SPAG16: variants seen among roughly 807,000 people sequenced by gnomAD.
SPAG16 encodes sperm-associated antigen 16 protein.
A neutral mutation model predicts 80.4 loss-of-function variants in SPAG16; 86 were observed. That is an observed-to-expected ratio of 1.07 (90% CI 0.90 to 1.28). The LOEUF is 1.28. SPAG16 is among the 50% of genes most tolerant of loss of function. The pLI is 0.00. For synonymous variants in SPAG16, 294 were observed against 265.9 expected (o/e 1.11, Z -1.03); for missense variants, 870 against 765.3 (o/e 1.14, Z -1.61).
intron 10 of SPAG16, among the ~76,000 whole-genome samples, chr2:213,688,915 C>G (rs1044203342): frequency 1.3e-5 from 2 of 152,058 alleles, no homozygotes; most frequent in African/African-American, 2.4e-5. Context: ...CCTATTTAAT[C>G]TTTCCTCTCA....
chr2:213,832,978 A>C (rs560601538), intron 10 of SPAG16, among the ~76,000 whole-genome samples: 2 of 152,238 alleles, frequency 1.3e-5, no homozygotes, highest in Admixed American at 1.3e-4. Context: ...TCTGCTATGA[A>C]ATTTGTATAT....
At chr2:213,390,261 A>G (rs748326433) in intron 9 of SPAG16, among the ~76,000 whole-genome samples, 2 of 152,184 alleles carry the variant, frequency 1.3e-5, no homozygotes, top group Non-Finnish European at 2.9e-5. Context: ...TTTAATGAGT[A>G]TAGAGTTTCA....
chr2:213,628,192 A>G (rs985338893), intron 10 of SPAG16, among the ~76,000 whole-genome samples: 1 of 152,204 alleles, frequency 6.6e-6, no homozygotes, highest in Non-Finnish European at 1.5e-5. Context: ...TGTGAGATCA[A>G]CCTTTCTCAG....
chr2:213,554,383 A>G (rs1456941062), intron 10 of SPAG16, among the ~76,000 whole-genome samples: 3 of 152,220 alleles, frequency 2.0e-5, no homozygotes, highest in Non-Finnish European at 2.9e-5. Context: ...AGGTCTTTCC[A>G]CATGGAAACT....
chr2:214,035,225 G>C (rs1176803265), intron 13 of SPAG16, among the ~76,000 whole-genome samples: 4 of 152,040 alleles, frequency 2.6e-5, no homozygotes, highest in Non-Finnish European at 5.9e-5. Flanking sequence ...AGTGCACACT[G>C]ATTAATCTAT....
chr2:213,954,155 T>TG (rs2043999223), intron 12 of SPAG16, among the ~76,000 whole-genome samples: 1 of 151,532 alleles, frequency 6.6e-6, no homozygotes, highest in Non-Finnish European at 1.5e-5. Context: ...TTTTTTTTTT[T>TG]GAGACAGAGT....
At chr2:213,562,911 G>T (rs187901088) in intron 10 of SPAG16, among the ~76,000 whole-genome samples, 99 of 152,278 alleles carry the variant, frequency 6.5e-4, no homozygotes, top group Middle Eastern at 3.4e-3. Flanking sequence ...CTCTTATAAG[G>T]TCACTAATAC....
At position 214,358,465 on chromosome 2, in the gene SPAG16, T is replaced by G. The variant is rs1353932694; in HGVS notation, c.1721-51675T>G. On this transcript the variant is annotated intron_variant, in intron 15 of 15. Coordinates refer to ENST00000331683, the MANE Select transcript of SPAG16 (RefSeq NM_024532.5). ...TGCCAATTAATGAATTTTAAAAGAT[T>G]TCTCACATAATCTGTACATTATTGT... is the stretch of plus-strand genomic sequence containing the variant. Among the ~76,000 whole-genome samples, 4 of 151,970 alleles carry G rather than the reference T, an allele frequency of 2.6e-5. No individual in the cohort carries two copies. The East Asian group carries it at 7.7e-4, about 29-fold the overall frequency.
At chr2:213,971,432 A>G (rs763018614) in intron 12 of SPAG16, among the ~76,000 whole-genome samples, 1 of 152,184 alleles carries the variant, frequency 6.6e-6, no homozygotes, top group Non-Finnish European at 1.5e-5. Flanking sequence ...TTTTGATTAT[A>G]TAAATACAAC....
At chr2:213,771,193 A>G (rs2069223813) in intron 10 of SPAG16, among the ~76,000 whole-genome samples, 1 of 152,092 alleles carries the variant, frequency 6.6e-6, no homozygotes, top group South Asian at 2.1e-4. Context: ...GTTTTGTTTT[A>G]CATTTCTCTA....
chr2:213,974,729 G>C (rs1183404903), intron 12 of SPAG16, among the ~76,000 whole-genome samples: 1 of 151,884 alleles, frequency 6.6e-6, no homozygotes, highest in African/African-American at 2.4e-5. Flanking sequence ...ACGTCTGCCA[G>C]CCTGTCAGTT....
intron 15 of SPAG16, among the ~76,000 whole-genome samples, chr2:214,343,071 T>C (rs1339244695): frequency 6.6e-6 from 1 of 151,978 alleles, no homozygotes; most frequent in Non-Finnish European, 1.5e-5. Context: ...TGTTACAAAA[T>C]GGGAAGGCCA....
chr2:213,686,674 CTTTTTTTTTTTTT>C (rs748200040), intron 10 of SPAG16, among the ~76,000 whole-genome samples: 3 of 86,104 alleles, frequency 3.5e-5, no homozygotes, highest in Non-Finnish European at 7.3e-5. Flanking sequence ...ATTAATCCAC[CTTTTTTTTTTTTT>C]TTTTTTTTTT....
intron 12 of SPAG16, 59 bp downstream of exon 12, chr2:213,930,204 T>A: frequency 7.4e-7 from 1 of 1,343,620 alleles, no homozygotes; most frequent in Non-Finnish European, 1.0e-6. Context: ...GTGGGTAAAG[T>A]GGTAAAGTTC....
chr2:213,981,174 G>T (rs575788283), intron 12 of SPAG16, among the ~76,000 whole-genome samples: 6 of 152,184 alleles, frequency 3.9e-5, no homozygotes, highest in African/African-American at 1.4e-4. Flanking sequence ...GAGCCTTCGG[G>T]TTTGAATGCT....
At chr2:213,392,976 CA>C (rs749405761) in intron 9 of SPAG16, among the ~76,000 whole-genome samples, 32 of 151,748 alleles carry the variant, frequency 2.1e-4, no homozygotes, top group Admixed American at 5.9e-4. Flanking sequence ...AGAATTAAGC[CA>C]ACATATTTAT....
intron 15 of SPAG16, among the ~76,000 whole-genome samples, chr2:214,211,498 G>A (rs1334345793): frequency 6.6e-6 from 1 of 152,174 alleles, no homozygotes; most frequent in Admixed American, 6.5e-5. Flanking sequence ...CCATCTATGG[G>A]CCTATTTCCC....
intron 10 of SPAG16, among the ~76,000 whole-genome samples, chr2:213,751,450 A>G (rs1369596643): frequency 2.6e-5 from 4 of 152,154 alleles, no homozygotes; most frequent in Admixed American, 6.5e-5. Flanking sequence ...ACAACCTCTG[A>G]GGGAAAGCCT....
chr2:214,218,516 T>A (rs1012061764), intron 15 of SPAG16, among the ~76,000 whole-genome samples: 3 of 152,116 alleles, frequency 2.0e-5, no homozygotes, highest in African/African-American at 7.2e-5. Flanking sequence ...CCCACTTTGC[T>A]CCTGCCAGGA....
Sources: allele counts gnomAD v4.1 joint callset (sites outside exome capture counted in the v4.1 genomes callset), GRCh38; gene constraint gnomAD v4.1.1; transcripts MANE v1.5; gene names NCBI Gene and HGNC (gene_info 2026-07-23, HGNC 2026-07-21).